Variants in ZNF419 observed in about 807,000 individuals in gnomAD.
ZNF419 encodes zinc finger protein 419.
ZNF419 carries 8 observed loss-of-function variants against 14.9 expected under a neutral mutation model. The ratio of observed to expected loss-of-function variants is 0.54; its 90% confidence interval spans 0.32 to 0.97. The LOEUF (loss-of-function observed/expected upper bound fraction) is 0.97. ZNF419 is among the 50% of genes least tolerant of loss of function. The pLI is 0.04. For missense variants in ZNF419, 595 were observed against 607.2 expected (o/e 0.98, Z 0.21); for synonymous variants, 211 against 205.3 (o/e 1.03, Z -0.24).
intron 1 of ZNF419, chr19:57,488,674 G>C (rs927458495): frequency 2.6e-5 from 4 of 152,354 alleles, no homozygotes; most frequent in African/African-American, 4.8e-5. Context: ...TGGAGGTGTC[G>C]TGTCCACATG....
intron 2 of ZNF419, chr19:57,490,575 C>G (rs2089459154): frequency 6.1e-6 from 1 of 163,434 alleles, no homozygotes; most frequent in Admixed American, 6.1e-5. Context: ...GTCTCAAACT[C>G]CTGACCTCAG....
At chr19:57,489,760 GA>G (rs1286041208) in intron 1 of ZNF419, 1 of 182,576 alleles carries the variant, frequency 5.5e-6, no homozygotes, top group Non-Finnish European at 1.2e-5. Flanking sequence ...AAAGCATTGG[GA>G]TTACAGGTGT....
rs376916121 is a variant in ZNF419, at chr19:57,492,306, T to C, written c.298+95T>C. ...ATATTTTGATACCAAGGCAAGGGGT[T>C]GTCGCTGATTTCTATCTTTTCTTCC... is the stretch of plus-strand genomic sequence containing the variant. On this transcript the variant is annotated intron_variant, in intron 4 of 4. Coordinates refer to ENST00000221735, the MANE Select transcript of ZNF419 (RefSeq NM_024691.4). 23 of 1,354,690 alleles carry C rather than the reference T, an allele frequency of 1.7e-5. 1 individual carries two copies. The highest frequency in any genetic ancestry group is 1.4e-4 in the East Asian group (6 of 43,612). The allele number at this position is 1,354,690 out of a possible 1,614,324, so 83.9% of individuals were successfully genotyped here.
At position 57,491,439 on chromosome 19, in the gene ZNF419, G is replaced by A. The variant is rs762008661; in HGVS notation, c.73-32G>A. 37 of 1,609,348 alleles carry A rather than the reference G, an allele frequency of 2.3e-5. No homozygotes were observed. In the Admixed American group the frequency reaches 4.0e-4, roughly 17 times the overall value. The stretch of plus-strand genomic sequence containing the variant: ...GCCTAAATTTCCCAGTAAGGAGGCT[G>A]CAGATAAACTCTACTCTGTCCATCT... On this transcript the variant is annotated intron_variant, in intron 2 of 4. Coordinates refer to ENST00000221735, the MANE Select transcript of ZNF419 (RefSeq NM_024691.4).
In ZNF419 at chr19:57,495,615, A is replaced by C. The variant is rs1479223922; in HGVS notation, c.*1525A>C. 1 of 151,726 alleles carries C rather than the reference A, an allele frequency of 6.6e-6. No individual in the cohort carries two copies. Among genetic ancestry groups the C allele is most frequent in the Non-Finnish European group, 1.5e-5 (1 of 68,002 alleles). The allele number at this position is 151,726 out of a possible 1,614,324, so 9.4% of individuals were successfully genotyped here. Reference sequence around the variant, plus strand: ...GTGGCGGCTGCCTGTAGTTCCAGCTATCCTGGAGGCTGAGGCAGGAGAATG... The same window carrying C: ...GTGGCGGCTGCCTGTAGTTCCAGCTCTCCTGGAGGCTGAGGCAGGAGAATG... On this transcript the variant is annotated 3_prime_UTR_variant, in exon 5 of 5. Transcript: ENST00000221735.
chr19:57,491,549 C>T lies in ZNF419; in HGVS notation c.151C>T (p.Leu51Phe), dbSNP rs1336722116. ...ATTGCTTGATGACGCTCAGAGGCTC[C>T]TCTACCGCAATGTGATGCTGGAGAA... ...WRLLDDAQRL[L>F]YRNVMLENFT... The change falls in exon 3 of 5, where the codon CTC becomes TTC. Residue 51 changes from leucine (L) to phenylalanine (F), a missense_variant. Transcript: ENST00000221735. The T allele has an allele frequency of 4.3e-6, 7 of 1,613,996 alleles. No homozygotes were observed. Among genetic ancestry groups the T allele is most frequent in the Non-Finnish European group, 5.9e-6 (7 of 1,180,020 alleles).
chr19:57,494,304 A>G lies in ZNF419; in HGVS notation c.*214A>G, dbSNP rs560442616. 4.5e-6 allele frequency: 3 copies of G among 667,788 alleles called. No individual in the cohort carries two copies. In the South Asian group the frequency reaches 7.3e-5, roughly 16 times the overall value. The allele number at this position is 667,788 out of a possible 1,614,324, so 41.4% of individuals were successfully genotyped here. A position where few individuals can be genotyped will look rare whatever the true frequency, so the allele number is the denominator to read the frequency against. On this transcript the variant is annotated 3_prime_UTR_variant, in exon 5 of 5. Transcript: ENST00000221735. ...TTCAACACCAGAAAGTTTACACTGG[A>G]GAAAGGCCTTAGGGTGACAGGTTAT...
At position 57,493,047 on chromosome 19, in the gene ZNF419, G is replaced by A; in HGVS notation, c.490G>A (p.Val164Ile). 1 of 1,614,152 alleles carries A rather than the reference G, an allele frequency of 6.2e-7. No individual in the cohort carries two copies. The highest frequency in any genetic ancestry group is 1.7e-5 in the Admixed American group (1 of 60,006). The change falls in exon 5 of 5, where the codon GTT (valine) becomes ATT (isoleucine). Residue 164 changes from valine (V) to isoleucine (I), a missense_variant. Physicochemically the swap from Val to Ile is conservative, Grantham distance 29. Coordinates refer to ENST00000221735, the MANE Select transcript of ZNF419 (RefSeq NM_024691.4). ...AGAGAAGTCCTTGCAAAGCAGGGAGGTTGGGAAGGCCCTCCTGATCAGCTC... is the reference window on the plus strand; with the variant it reads ...AGAGAAGTCCTTGCAAAGCAGGGAGATTGGGAAGGCCCTCCTGATCAGCTC... ...LSEKSLQSRE[V>I]GKALLISSGV...
intron 1 of ZNF419, chr19:57,489,682 G>A (rs1201554194): frequency 6.4e-6 from 1 of 156,678 alleles, no homozygotes; most frequent in African/African-American, 2.4e-5. Flanking sequence ...TAGAGACGAG[G>A]TTTCACCATG....
In ZNF419 at chr19:57,487,795, G is replaced by T; in HGVS notation, c.-156G>T. 9.5e-7 allele frequency: 1 copy of T among 1,051,118 alleles called. No individual in the cohort carries two copies. The highest frequency in any genetic ancestry group is 1.4e-6 in the Non-Finnish European group (1 of 697,126). 65.1% of individuals were successfully genotyped at this position (1,051,118 alleles called of 1,614,324 possible). Reference sequence around the variant, plus strand: ...AGGTGAACTAACCTGCGAGAAGCTGGTTGTGCGCTGAGGCGACCAGCGCCG... The same window carrying T: ...AGGTGAACTAACCTGCGAGAAGCTGTTTGTGCGCTGAGGCGACCAGCGCCG... On this transcript the variant is annotated 5_prime_UTR_variant, in exon 1 of 5. Transcript: ENST00000221735.
In ZNF419 at chr19:57,493,396, T is replaced by G; in HGVS notation, c.839T>G (p.Val280Gly). Reference protein sequence around the residue: ...RNAHLIEHQRVHTGEKPFTCS... With the variant: ...RNAHLIEHQRGHTGEKPFTCS... ...GCTCACCTCATTGAACACCAGAGAGTTCACACTGGAGAAAAGCCTTTTACA... is the reference window on the plus strand; with the variant it reads ...GCTCACCTCATTGAACACCAGAGAGGTCACACTGGAGAAAAGCCTTTTACA... The change falls in exon 5 of 5, where the codon GTT (valine) becomes GGT (glycine). Residue 280 changes from valine (V) to glycine (G), a missense_variant. Val to Gly is a moderately radical substitution (Grantham distance 109, BLOSUM62 -3). Coordinates refer to ENST00000221735, the MANE Select transcript of ZNF419 (RefSeq NM_024691.4). 6.2e-7 allele frequency: 1 copy of G among 1,614,034 alleles called. No individual in the cohort carries two copies. Among genetic ancestry groups the G allele is most frequent in the Non-Finnish European group, 8.5e-7 (1 of 1,180,030 alleles).
intron 4 of ZNF419, chr19:57,492,595 G>C: frequency 1.3e-6 from 1 of 750,194 alleles, no homozygotes; most frequent in Non-Finnish European, 2.4e-6. Context: ...CATTTGCAGA[G>C]GATTGTGTTG....
chr19:57,488,730 C>A, intron 1 of ZNF419: 1 of 152,312 alleles, frequency 6.6e-6, no homozygotes, highest in Non-Finnish European at 1.5e-5. Flanking sequence ...GGGATCTGGG[C>A]TGGAGATATG....
At chr19:57,490,025 A>C in intron 1 of ZNF419, 122 bp from the exon 2 acceptor site, 2 of 858,758 alleles carry the variant, frequency 2.3e-6, no homozygotes, top group South Asian at 1.6e-5. Context: ...AAGAGGCATC[A>C]CTAAGAACCA....
Position 57,493,465 on chromosome 19 carries a change from T to G in ZNF419, c.908T>G (p.Val303Gly), listed in dbSNP as rs765816264. 6.2e-7 allele frequency: 1 copy of G among 1,614,168 alleles called. No homozygotes were observed. Among genetic ancestry groups the G allele is most frequent in the East Asian group, 2.2e-5 (1 of 44,874 alleles). Reference sequence around the variant, plus strand: ...GCTTTCAGGCATAATTCCACACTTGTTCAGCATCACAAAATCCACACTGGA... The same window carrying G: ...GCTTTCAGGCATAATTCCACACTTGGTCAGCATCACAAAATCCACACTGGA... The part of the protein sequence containing the change: ...GKAFRHNSTL[V>G]QHHKIHTGVR... Residue 303 changes from valine to glycine, a missense_variant, in exon 5 of 5, where the codon GTT (valine) becomes GGT (glycine). Coordinates refer to ENST00000221735, the MANE Select transcript of ZNF419 (RefSeq NM_024691.4).
At position 57,493,662 on chromosome 19, in the gene ZNF419, A is replaced by G. The variant is rs777456476; in HGVS notation, c.1105A>G (p.Arg369Gly). The G allele has an allele frequency of 6.2e-7, 1 of 1,614,130 alleles. No individual in the cohort carries two copies. Among genetic ancestry groups the G allele is most frequent in the East Asian group, 2.2e-5 (1 of 44,880 alleles). ...ACATTGGCGTGTTCATACTGGAGAA[A>G]GGCCTTACAAGTGCAGCGACTGTGG... ...IKHWRVHTGE[R>G]PYKCSDCGKF... is the part of the protein sequence containing the mutation. The change falls in exon 5 of 5, where the codon AGG (arginine) becomes GGG (glycine). Residue 369 changes from arginine (R) to glycine (G), a missense_variant. Transcript: ENST00000221735.
intron 2 of ZNF419, chr19:57,491,151 G>T: frequency 2.6e-6 from 1 of 390,004 alleles, no homozygotes; most frequent in Non-Finnish European, 4.8e-6. Flanking sequence ...CTTGTACTGG[G>T]GGCTTCAGGG....
At position 57,495,252 on chromosome 19, in the gene ZNF419, C is replaced by T. The variant is rs903407817; in HGVS notation, c.*1162C>T. ...GCCTCAAGTGATCATCCTGCCTCAGCCTCCCAAAGTGCTGGGATTACAGGC... is the reference window on the plus strand; with the variant it reads ...GCCTCAAGTGATCATCCTGCCTCAGTCTCCCAAAGTGCTGGGATTACAGGC... On this transcript the variant is annotated 3_prime_UTR_variant, in exon 5 of 5. Transcript: ENST00000221735. 2 of 152,240 alleles carry T rather than the reference C, an allele frequency of 1.3e-5. No homozygotes were observed. Among genetic ancestry groups the T allele is most frequent in the African/African-American group, 4.8e-5 (2 of 41,446 alleles). The allele number at this position is 152,240 out of a possible 1,614,324, so 9.4% of individuals were successfully genotyped here. A position where few individuals can be genotyped will look rare whatever the true frequency, so the allele number is the denominator to read the frequency against.
chr19:57,490,223 C>T (rs766138315), intron 2 of ZNF419, 38 bp downstream of exon 2: 4 of 1,597,306 alleles, frequency 2.5e-6, no homozygotes, highest in South Asian at 2.2e-5. Context: ...CACTCCTGCA[C>T]TCCTACCTAC....
Sources: gnomAD v4.1 joint callset for allele counts on GRCh38, gnomAD v4.1.1 for gene constraint, MANE v1.5 for transcripts, NCBI Gene and HGNC (gene_info 2026-07-23, HGNC 2026-07-21) for gene names.